Variants in GNAO1 observed in about 807,000 individuals in gnomAD.
The protein encoded by GNAO1 is guanine nucleotide-binding protein G(o) subunit alpha.
For synonymous variants in GNAO1, 164 were observed against 180.7 expected (o/e 0.91, Z 0.74); for missense variants, 166 against 478.7 (o/e 0.35, Z 6.10).
chr16:56,224,452 G>C (rs536977132), intron 2 of GNAO1, among the ~76,000 whole-genome samples: 215 of 152,244 alleles, frequency 1.4e-3, no homozygotes, highest in African/African-American at 5.0e-3. Context: ...AAGGCTGCAT[G>C]GCATAGATGG....
rs59437828 is a variant in GNAO1 at position 56,355,125 on chromosome 16, T to TAC, written c.*28+73_*28+74dup. The stretch of plus-strand genomic sequence containing the variant: ...ACAGAACAGCTTGCGTGCGCGCGCA[T>TAC]ACACACACACACACACACACACACA... On this transcript the variant is annotated intron_variant, in intron 8 of 8. Coordinates refer to ENST00000262493, the MANE Select transcript of GNAO1 (RefSeq NM_020988.3). The TAC allele has an allele frequency of 0.08, 44,556 of 554,232 alleles. 1,125 individuals carry two copies. The highest frequency in any genetic ancestry group is 0.13 in the African/African-American group (6,119 of 48,548). 34.3% of individuals were successfully genotyped at this position (554,232 alleles called of 1,614,324 possible). A position where few individuals can be genotyped will look rare whatever the true frequency, so the allele number is the denominator to read the frequency against.
chr16:56,191,490 T>A lies in GNAO1; in HGVS notation c.-746T>A, dbSNP rs1240073176. On this transcript the variant is annotated 5_prime_UTR_variant, in exon 1 of 9. Coordinates refer to ENST00000262493, the MANE Select transcript of GNAO1 (RefSeq NM_020988.3). The surrounding 1 kb of genome is among the most constrained non-coding windows in gnomAD (Gnocchi z 4.7). ...TTTCCCCTCCCTCCCTGCCTCTCTC[T>A]CTCTCCCTCTCCCTCGAGCTCCCGG... 6 of 149,896 alleles carry A rather than the reference T, an allele frequency of 4.0e-5. No individual in the cohort carries two copies. The highest frequency in any genetic ancestry group is 1.5e-4 in the African/African-American group (6 of 40,482). 9.3% of individuals were successfully genotyped at this position (149,896 alleles called of 1,614,324 possible).
chr16:56,208,419 A>ATGTGTG (rs35244461), intron 2 of GNAO1, among the ~76,000 whole-genome samples: 17 of 148,942 alleles, frequency 1.1e-4, no homozygotes, highest in East Asian at 4.0e-4. Flanking sequence ...GCTGCTATCA[A>ATGTGTG]TGTGTGTGTG....
chr16:56,217,173 A>G lies in GNAO1; in HGVS notation c.161+24557A>G, dbSNP rs538689788. 5.9e-5 allele frequency among the ~76,000 whole-genome samples: 9 copies of G among 152,326 alleles called. No homozygotes were observed. The South Asian group carries it at 1.4e-3, about 25-fold the overall frequency. On this transcript the variant is annotated intron_variant, in intron 2 of 8. Coordinates refer to ENST00000262493, the MANE Select transcript of GNAO1 (RefSeq NM_020988.3). ...AAGTTTTTTCATGCTGAAACCATTC[A>G]TCTTTCGAGTTTTCCTAATAAATAA...
In GNAO1 at chr16:56,334,867, A is replaced by G. The variant is rs1596871500; in HGVS notation, c.593+10A>G. ...AGAACCTCCACTTCAGGTGAGGCCC[A>G]GAGAGGCCCCCAGGCCCTGGCGAGG... is the stretch of plus-strand genomic sequence containing the variant. On this transcript the variant is annotated intron_variant, in intron 5 of 8. Coordinates refer to ENST00000262493, the MANE Select transcript of GNAO1 (RefSeq NM_020988.3). 2.5e-6 allele frequency: 4 copies of G among 1,613,782 alleles called. No individual in the cohort carries two copies. The highest frequency in any genetic ancestry group is 4.5e-5 in the East Asian group (2 of 44,882).
chr16:56,305,977 C>T lies in GNAO1; in HGVS notation c.304-22654C>T, dbSNP rs1225883360. Among the ~76,000 whole-genome samples, 6 of 152,280 alleles carry T rather than the reference C, an allele frequency of 3.9e-5. No individual in the cohort carries two copies. The South Asian group carries it at 1.0e-3, about 26-fold the overall frequency. On this transcript the variant is annotated intron_variant, in intron 3 of 8. Transcript: ENST00000262493. ...TCTAAATACAGTCACATTCTGAGGT[C>T]CTGGGGGTTAGAACTTCAACCTGTG...
At chr16:56,325,772 G>T (rs1376431582) in intron 3 of GNAO1, among the ~76,000 whole-genome samples, 1 of 152,158 alleles carries the variant, frequency 6.6e-6, no homozygotes, top group South Asian at 2.1e-4. Context: ...AGGGCTCACA[G>T]GACAGGTCAC....
rs2037952595 is a variant in GNAO1, at chr16:56,354,733, C to G, written c.878-133C>G. On this transcript the variant is annotated intron_variant, in intron 7 of 8. Transcript: ENST00000262493. The surrounding 1 kb of genome is among the most constrained non-coding windows in gnomAD (Gnocchi z 4.3). ...TATGGCTTGGAACTGCCCAGCAGTT[C>G]CTACTGCTCCCTTCCTGTCTCATCC... 1.7e-6 allele frequency: 1 copy of G among 588,722 alleles called. No individual in the cohort carries two copies. The highest frequency in any genetic ancestry group is 2.1e-5 in the South Asian group (1 of 46,624). 36.5% of individuals were successfully genotyped at this position (588,722 alleles called of 1,614,324 possible).
intron 6 of GNAO1, chr16:56,344,758 T>C (rs1381785200): frequency 1.0e-6 from 1 of 985,326 alleles, no homozygotes. Context: ...ATTTCTTTTT[T>C]CCAGTCACCA....
chr16:56,221,817 G>A (rs1432199577), intron 2 of GNAO1, among the ~76,000 whole-genome samples: 1 of 152,110 alleles, frequency 6.6e-6, no homozygotes, highest in East Asian at 1.9e-4. Flanking sequence ...CATTGTTTCA[G>A]GAGTCAAAGT....
intron 2 of GNAO1, among the ~76,000 whole-genome samples, chr16:56,200,989 A>T (rs374080297): frequency 6.6e-6 from 1 of 152,226 alleles, no homozygotes; most frequent in Non-Finnish European, 1.5e-5. Flanking sequence ...GGATCCATCC[A>T]TCTGTCCATC....
intron 2 of GNAO1, among the ~76,000 whole-genome samples, chr16:56,272,546 C>G (rs535004140): frequency 1.3e-5 from 2 of 152,248 alleles, no homozygotes; most frequent in East Asian, 3.9e-4. Context: ...CTTGGGACAC[C>G]CCAGGCAACA....
intron 2 of GNAO1, among the ~76,000 whole-genome samples, chr16:56,228,533 A>G (rs1325851446): frequency 6.6e-6 from 1 of 152,182 alleles, no homozygotes; most frequent in African/African-American, 2.4e-5. Context: ...ACTGGAAGTT[A>G]TCATAACTAG....
At chr16:56,202,402 G>GA (rs1427844519) in intron 2 of GNAO1, among the ~76,000 whole-genome samples, 2 of 152,112 alleles carry the variant, frequency 1.3e-5, no homozygotes, top group Admixed American at 6.5e-5. Flanking sequence ...GTGGGCTACA[G>GA]AAAAAAAGGA....
chr16:56,279,405 C>T (rs2037094004), intron 3 of GNAO1, among the ~76,000 whole-genome samples: 1 of 152,194 alleles, frequency 6.6e-6, no homozygotes, highest in Non-Finnish European at 1.5e-5. Context: ...CTCCTTACAT[C>T]CGTCTGTGGT....
chr16:56,315,221 G>C (rs1183042709), intron 3 of GNAO1, among the ~76,000 whole-genome samples: 1 of 152,182 alleles, frequency 6.6e-6, no homozygotes, highest in African/African-American at 2.4e-5. Flanking sequence ...ATGTCTCCCA[G>C]CCGAGGCGGC....
At chr16:56,277,539 A>C (rs1420275761) in intron 3 of GNAO1, among the ~76,000 whole-genome samples, 1 of 152,192 alleles carries the variant, frequency 6.6e-6, no homozygotes, top group Admixed American at 6.5e-5. Flanking sequence ...TAGTAGGAAT[A>C]AAAACAGCTA....
At chr16:56,208,451 G>A (rs899203501) in intron 2 of GNAO1, among the ~76,000 whole-genome samples, 866 of 41,774 alleles carry the variant, frequency 0.021, 10 homozygotes, top group African/African-American at 0.061. Context: ...GTGTGTGTGC[G>A]CGCGCGCGCA....
chr16:56,348,574 A>G (rs2037894437), intron 6 of GNAO1, among the ~76,000 whole-genome samples: 1 of 152,186 alleles, frequency 6.6e-6, no homozygotes, highest in African/African-American at 2.4e-5. Context: ...TCAGCCATCT[A>G]TGATCTCTGA....
Sources: allele counts gnomAD v4.1 joint callset (sites outside exome capture counted in the v4.1 genomes callset), GRCh38; gene constraint gnomAD v4.1.1; non-coding constraint Gnocchi (gnomAD v3.1); transcripts MANE v1.5; gene names NCBI Gene and HGNC (gene_info 2026-07-23, HGNC 2026-07-21).